Variants in TEX36 observed in about 807,000 individuals in gnomAD.
The protein encoded by TEX36 is testis-expressed protein 36.
Under a neutral mutation model 13.6 loss-of-function variants are expected in TEX36, and 12 were observed. That is an observed-to-expected ratio of 0.88 (90% CI 0.56 to 1.43). The LOEUF is 1.43. Ranked by LOEUF, TEX36 falls within the 40% of genes most tolerant of loss-of-function variation. The pLI, the probability that TEX36 is intolerant of heterozygous loss-of-function variation, is 0.00. For missense variants in TEX36, 224 were observed against 228.3 expected, an observed-to-expected ratio of 0.98 and a Z score of 0.12; for synonymous variants, 93 against 83.0, an observed-to-expected ratio of 1.12 and a Z score of -0.65.
chr10:125,636,161 C>A (rs1846620985), intron 3 of TEX36, among the ~76,000 whole-genome samples: 1 of 151,492 alleles, frequency 6.6e-6, no homozygotes, highest in Non-Finnish European at 1.5e-5. Flanking sequence ...AGGCGTGAGT[C>A]ACCACATGCG....
chr10:125,655,853 G>T lies in TEX36; in HGVS notation c.*47C>A. 6.9e-7 allele frequency: 1 copy of T among 1,442,262 alleles called. No homozygotes were observed. 89.3% of individuals were successfully genotyped at this position (1,442,262 alleles called of 1,614,324 possible). On this transcript the variant is annotated 3_prime_UTR_variant, in exon 4 of 4. Coordinates refer to ENST00000368821, the MANE Select transcript of TEX36 (RefSeq NM_001128202.3). ...GAAAACATATACTTTTAGGATGTCTGATGAAATACCAGTATTACAAAATTC... is the reference window on the plus strand; with the variant it reads ...GAAAACATATACTTTTAGGATGTCTTATGAAATACCAGTATTACAAAATTC...
downstream of TEX36, among the ~76,000 whole-genome samples, chr10:125,619,117 G>A (rs1005291952): frequency 1.3e-5 from 2 of 151,402 alleles, no homozygotes; most frequent in East Asian, 1.9e-4. Context: ...GTGAAAGTGC[G>A]AGACTCCATC....
chr10:125,585,541 C>G (rs1845935801), intron 3 of TEX36, among the ~76,000 whole-genome samples: 1 of 152,182 alleles, frequency 6.6e-6, no homozygotes, highest in Non-Finnish European at 1.5e-5. Flanking sequence ...CCAAAGCTAG[C>G]CATAAAATAT....
At chr10:125,646,069 C>A (rs542430788) in intron 3 of TEX36, among the ~76,000 whole-genome samples, 1 of 152,242 alleles carries the variant, frequency 6.6e-6, no homozygotes, top group East Asian at 1.9e-4. Context: ...AGGCTCACAC[C>A]GATAATCCCA....
At chr10:125,612,560 G>C (rs940044041) in intron 3 of TEX36, among the ~76,000 whole-genome samples, 3 of 151,892 alleles carry the variant, frequency 2.0e-5, no homozygotes, top group Admixed American at 6.6e-5. Context: ...TAGCTTTATG[G>C]CTACACATTT....
At chr10:125,592,889 C>T (rs1481295921) in intron 3 of TEX36, among the ~76,000 whole-genome samples, 1 of 152,148 alleles carries the variant, frequency 6.6e-6, no homozygotes, top group Non-Finnish European at 1.5e-5. Flanking sequence ...GGAAGAGATG[C>T]CTAGGATGAG....
intron 3 of TEX36, among the ~76,000 whole-genome samples, chr10:125,597,255 G>A (rs146094116): frequency 1.2e-3 from 188 of 152,294 alleles, no homozygotes; most frequent in Non-Finnish European, 2.2e-3. Flanking sequence ...ACCATGTGAA[G>A]TCCATTCTTT....
intron 3 of TEX36, among the ~76,000 whole-genome samples, chr10:125,613,241 T>TTTTATTTA (rs71029264): frequency 5.3e-4 from 60 of 113,274 alleles, no homozygotes; most frequent in Admixed American, 1.5e-3. Context: ...TTTTGACATC[T>TTTTATTTA]TTTATTTATT....
intron 3 of TEX36, among the ~76,000 whole-genome samples, chr10:125,650,416 G>A (rs1263489439): frequency 6.6e-6 from 1 of 152,112 alleles, no homozygotes; most frequent in Non-Finnish European, 1.5e-5. Flanking sequence ...ATAACGAAAT[G>A]AAGGCAGAAA....
chr10:125,606,996 C>T (rs1205169997), intron 3 of TEX36, among the ~76,000 whole-genome samples: 1 of 152,150 alleles, frequency 6.6e-6, no homozygotes, highest in Admixed American at 6.5e-5. Flanking sequence ...TCATGGTTTT[C>T]CTAGGTATCA....
intron 3 of TEX36, among the ~76,000 whole-genome samples, chr10:125,647,044 T>C (rs1321102775): frequency 2.6e-5 from 4 of 152,208 alleles, no homozygotes; most frequent in Non-Finnish European, 4.4e-5. Flanking sequence ...TCTGAATGTA[T>C]CGAAAGCATA....
At chr10:125,659,838 C>T (rs968828034) in intron 3 of TEX36, among the ~76,000 whole-genome samples, 9 of 152,136 alleles carry the variant, frequency 5.9e-5, no homozygotes, top group Non-Finnish European at 8.8e-5. Flanking sequence ...ATTAATAACA[C>T]CTTCATTATC....
In TEX36 at chr10:125,667,587, C is replaced by T. The variant is rs138859724; in HGVS notation, c.52-5610G>A. On this transcript the variant is annotated intron_variant, in intron 1 of 3. Coordinates refer to ENST00000368821, the MANE Select transcript of TEX36 (RefSeq NM_001128202.3). ...CCATACAACCCTTGGGTGGTGGTCT[C>T]GCCATTTGTCCCTGCAAGGGAGACC... 508 of 734,728 alleles carry T rather than the reference C, an allele frequency of 6.9e-4. 3 individuals carry two copies. Among genetic ancestry groups the T allele is most frequent in the Admixed American group, 4.2e-3 (237 of 56,774 alleles). 45.5% of individuals were successfully genotyped at this position (734,728 alleles called of 1,614,324 possible). A position where few individuals can be genotyped will look rare whatever the true frequency, so the allele number is the denominator to read the frequency against.
chr10:125,583,361 G>C (rs563909475), intron 3 of TEX36, among the ~76,000 whole-genome samples: 1 of 151,468 alleles, frequency 6.6e-6, no homozygotes, highest in African/African-American at 2.4e-5. Context: ...TGTCTGGTAA[G>C]GGCATGGTCT....
At chr10:125,659,491 T>G (rs927480370) in intron 3 of TEX36, among the ~76,000 whole-genome samples, 1 of 152,186 alleles carries the variant, frequency 6.6e-6, no homozygotes, top group East Asian at 1.9e-4. Flanking sequence ...TCTGTATGAT[T>G]TCAGTTTTTT....
At chr10:125,627,350 C>G (rs1385063612) in intron 3 of TEX36, among the ~76,000 whole-genome samples, 4 of 152,132 alleles carry the variant, frequency 2.6e-5, no homozygotes, top group Non-Finnish European at 5.9e-5. Context: ...ATTAATCACC[C>G]TATAATCTAA....
rs139954237 is a variant in TEX36 at position 125,682,450 on chromosome 10, A to G, written c.51+489T>C. On this transcript the variant is annotated intron_variant, in intron 1 of 3. Transcript: ENST00000368821. The stretch of plus-strand genomic sequence containing the variant: ...AAAGGAATTGGATTGGGAGCCAACA[A>G]GAATTTGTTTAGAGGTTTCTAGTAT... 8.7e-3 allele frequency among the ~76,000 whole-genome samples: 1,326 copies of G among 152,344 alleles called. 7 individuals carry two copies. Among genetic ancestry groups the G allele is most frequent in the Middle Eastern group, 0.037 (11 of 294 alleles).
At chr10:125,674,721 C>A (rs569909894) in intron 1 of TEX36, among the ~76,000 whole-genome samples, 3 of 152,322 alleles carry the variant, frequency 2.0e-5, no homozygotes, top group East Asian at 3.9e-4. Context: ...CATTCCAGAC[C>A]CTATTTGCCT....
chr10:125,608,777 AAAC>A (rs1352450788), intron 3 of TEX36, among the ~76,000 whole-genome samples: 3 of 152,160 alleles, frequency 2.0e-5, no homozygotes, highest in Admixed American at 6.5e-5. Flanking sequence ...GGCAGACAGG[AAAC>A]AACATTATAC....
Sources: gnomAD v4.1 joint callset for allele counts (sites outside exome capture counted in the v4.1 genomes callset) on GRCh38, gnomAD v4.1.1 for gene constraint, MANE v1.5 for transcripts, NCBI Gene and HGNC (gene_info 2026-07-23, HGNC 2026-07-21) for gene names.